The following HGF variants were observed in gnomAD, a reference collection of about 807,000 sequenced individuals.
The protein encoded by HGF is fibroblast-derived tumor cytotoxic factor.
Under a neutral mutation model 111.6 loss-of-function variants are expected in HGF, and 39 were observed. That is an observed-to-expected ratio of 0.35 (90% CI 0.27 to 0.46). The LOEUF (loss-of-function observed/expected upper bound fraction) is 0.46. Among genes scored for constraint, HGF ranks in the 20% least tolerant of loss-of-function variants. HGF has a pLI of 1.00. For synonymous variants in HGF, 285 were observed against 294.8 expected (o/e 0.97, Z 0.34); for missense variants, 735 against 910.5 (o/e 0.81, Z 2.48).
chr7:81,760,676 C>T (rs866708042), intron 2 of HGF, among the ~76,000 whole-genome samples: 172 of 89,716 alleles, frequency 1.9e-3, no homozygotes, highest in Admixed American at 6.5e-3. Context: ...TGTCTATGTG[C>T]GTGCGTGTGT....
chr7:81,700,638 T>C lies in HGF; in HGVS notation c.*1943A>G, dbSNP rs1789255233. Reference sequence around the variant, plus strand: ...AGAAGAAACTATGAAATATACTTTATATTTTGGCAATATGCTCTTGAAATT... The same window carrying C: ...AGAAGAAACTATGAAATATACTTTACATTTTGGCAATATGCTCTTGAAATT... On this transcript the variant is annotated 3_prime_UTR_variant, in exon 18 of 18. Coordinates refer to ENST00000222390, the MANE Select transcript of HGF (RefSeq NM_000601.6). The C allele has an allele frequency of 6.6e-6, 1 of 151,584 alleles. No individual in the cohort carries two copies. The highest frequency in any genetic ancestry group is 1.5e-5 in the Non-Finnish European group (1 of 67,676). The allele number at this position is 151,584 out of a possible 1,614,324, so 9.4% of individuals were successfully genotyped here.
chr7:81,742,733 G>T (rs886835770), intron 7 of HGF: 2 of 1,442,932 alleles, frequency 1.4e-6, no homozygotes, highest in African/African-American at 1.4e-5. Context: ...GAAAAGCTAG[G>T]TAAGGGCCAG....
chr7:81,750,961 C>A, intron 5 of HGF: 1 of 939,030 alleles, frequency 1.1e-6, no homozygotes, highest in South Asian at 4.9e-5. Flanking sequence ...TTATAGGGAA[C>A]AGAATATGAT....
At chr7:81,710,093 G>T in intron 13 of HGF, 54 bp downstream of exon 13, 1 of 1,196,514 alleles carries the variant, frequency 8.4e-7, no homozygotes, top group South Asian at 1.2e-5. Context: ...TCTGGGAATA[G>T]GACTCTCTTG....
At position 81,710,284 on chromosome 7, in the gene HGF, T is replaced by C. The variant is rs199736805; in HGVS notation, c.1445-41A>G. The C allele has an allele frequency of 3.0e-6, 4 of 1,351,248 alleles. No individual in the cohort carries two copies. In the African/African-American group the frequency reaches 4.3e-5, roughly 15 times the overall value. 83.7% of individuals were successfully genotyped at this position (1,351,248 alleles called of 1,614,324 possible). On this transcript the variant is annotated intron_variant, in intron 12 of 17. Transcript: ENST00000222390. ...ACATAACATTTTTTAAAATAAGAAT[T>C]TGAAATAATCAGTGCCTCTTAGTTT...
chr7:81,739,353 A>G (rs913022189), intron 7 of HGF, among the ~76,000 whole-genome samples: 1 of 152,066 alleles, frequency 6.6e-6, no homozygotes, highest in Non-Finnish European at 1.5e-5. Flanking sequence ...TACTTCTCTG[A>G]AAGCTTTTTA....
At chr7:81,719,276 AG>A (rs1356365921) in intron 10 of HGF, among the ~76,000 whole-genome samples, 2 of 152,182 alleles carry the variant, frequency 1.3e-5, no homozygotes, top group Non-Finnish European at 2.9e-5. Flanking sequence ...ACGTCTGAGT[AG>A]GCACTTCTTT....
At chr7:81,722,857 A>G (rs901482884) in intron 9 of HGF, among the ~76,000 whole-genome samples, 1 of 149,654 alleles carries the variant, frequency 6.7e-6, no homozygotes, top group Non-Finnish European at 1.5e-5. Flanking sequence ...ATATATATAT[A>G]TATATGTTGC....
At position 81,752,200 on chromosome 7, in the gene HGF, C is replaced by T. The variant is rs2116121636; in HGVS notation, c.545G>A (p.Gly182Glu). ...GAAACACCAGGGTCCCCCTTCTTCC[C>T]CTCGAGGATTTCGACAGTAGTTTTC... is the stretch of plus-strand genomic sequence containing the variant. The part of the protein sequence containing the change: ...LQENYCRNPR[G>E]EEGGPWCFTS... The change falls in exon 5 of 18, where the codon GGG becomes GAG. Residue 182 changes from glycine to glutamate, a missense_variant. Physicochemically the swap from Gly to Glu is moderately conservative, Grantham distance 98. Transcript: ENST00000222390. 6.2e-7 allele frequency: 1 copy of T among 1,613,596 alleles called. No individual in the cohort carries two copies. Among genetic ancestry groups the T allele is most frequent in the Non-Finnish European group, 8.5e-7 (1 of 1,179,604 alleles).
At chr7:81,767,736 G>T (rs1191657705) in intron 1 of HGF, among the ~76,000 whole-genome samples, 1 of 152,062 alleles carries the variant, frequency 6.6e-6, no homozygotes, top group Non-Finnish European at 1.5e-5. Flanking sequence ...TCAACTTACA[G>T]TATATACTTC....
chr7:81,739,704 C>T (rs993243553), intron 7 of HGF, among the ~76,000 whole-genome samples: 4 of 151,976 alleles, frequency 2.6e-5, no homozygotes, highest in East Asian at 3.9e-4. Flanking sequence ...AAAGAATTCA[C>T]CTGAGAGAAG....
chr7:81,728,250 A>G (rs1415969771), intron 8 of HGF, among the ~76,000 whole-genome samples: 3 of 152,248 alleles, frequency 2.0e-5, no homozygotes, highest in South Asian at 4.1e-4. Flanking sequence ...ACAAATAACA[A>G]AATTAAGAAA....
chr7:81,760,707 G>A (rs1388653111), intron 2 of HGF, among the ~76,000 whole-genome samples: 3 of 151,516 alleles, frequency 2.0e-5, no homozygotes, highest in Non-Finnish European at 4.4e-5. Context: ...GTGTGTGTGT[G>A]TGTGTGTGTG....
intron 11 of HGF, among the ~76,000 whole-genome samples, chr7:81,713,259 G>T (rs547539688): frequency 1.3e-5 from 2 of 151,960 alleles, no homozygotes; most frequent in Admixed American, 6.6e-5. Context: ...GTGGTGGCTC[G>T]TGCCTGCCTG....
intron 7 of HGF, 86 bp downstream of exon 7, chr7:81,743,266 TA>T (rs1399701617): frequency 1.3e-4 from 109 of 831,056 alleles, no homozygotes; most frequent in Admixed American, 5.4e-4. Flanking sequence ...TCAAGTTAAA[TA>T]GTTGTTAACC....
chr7:81,756,970 G>A (rs539808073), intron 4 of HGF: 12 of 583,984 alleles, frequency 2.1e-5, no homozygotes, highest in Middle Eastern at 4.6e-4. Context: ...ACAAATTGAG[G>A]CATTAAGGTA....
At position 81,762,828 on chromosome 7, in the gene HGF, A is replaced by T. The variant is rs760130608; in HGVS notation, c.133T>A (p.Ser45Thr). Residue 45 changes from serine (S) to threonine (T), a missense_variant, in exon 2 of 18, where the codon TCA becomes ACA. Physicochemically the swap from Ser to Thr is moderately conservative, Grantham distance 58 (BLOSUM62 1). Transcript: ENST00000222390. ...RRNTIHEFKKSAKTTLIKIDP... is the reference protein window; with the variant it reads ...RRNTIHEFKKTAKTTLIKIDP... Reference sequence around the variant, plus strand: ...ATTTTGATTAGGGTAGTCTTTGCTGATTTTTTGAATTCATGAATTGTATTT... The same window carrying T: ...ATTTTGATTAGGGTAGTCTTTGCTGTTTTTTTGAATTCATGAATTGTATTT... 2.7e-5 allele frequency: 43 copies of T among 1,594,582 alleles called. No homozygotes were observed. The highest frequency in any genetic ancestry group is 3.7e-5 in the Non-Finnish European group (43 of 1,162,606).
rs770025635 is a variant in HGF at position 81,702,632 on chromosome 7, A to G, written c.2136T>C (p.Tyr712=). ...RPGIFVRVAY[Y]AKWIHKIILT... ...AAATAATTTTGTGTATCCATTTTGC[A>G]TAATATGCTACTCGGACAAAAATAC... Residue 712 remains tyrosine (Y), a synonymous_variant, in exon 18 of 18, where the codon TAT becomes TAC. Transcript: ENST00000222390. 5 of 1,611,556 alleles carry G rather than the reference A, an allele frequency of 3.1e-6. No individual in the cohort carries two copies. In the South Asian group the frequency reaches 5.5e-5, roughly 18 times the overall value.
intron 7 of HGF, among the ~76,000 whole-genome samples, chr7:81,732,564 G>T (rs73381145): frequency 1.5e-3 from 234 of 152,204 alleles, no homozygotes; most frequent in Admixed American, 3.5e-3. Context: ...TTACAGAAAT[G>T]ACCCATGATA....
Sources: gnomAD v4.1 joint callset for allele counts (sites outside exome capture counted in the v4.1 genomes callset) on GRCh38, gnomAD v4.1.1 for gene constraint, MANE v1.5 for transcripts, NCBI Gene and HGNC (gene_info 2026-07-23, HGNC 2026-07-21) for gene names.